The following CADPS variants were observed in gnomAD, a reference collection of about 807,000 sequenced individuals.
The protein encoded by CADPS is calcium-dependent secretion activator 1.
In CADPS, 57 loss-of-function variants were observed where a neutral mutation model predicts 167.3. That is an observed-to-expected ratio of 0.34 (90% confidence interval 0.28 to 0.42). The LOEUF is 0.42. Ranked by LOEUF, CADPS falls within the 20% of genes least tolerant of loss-of-function variation. The pLI is 1.00. For missense variants in CADPS, 1,414 were observed against 1,738.1 expected, an observed-to-expected ratio of 0.81 and a Z score of 3.32; for synonymous variants, 676 against 635.3, an observed-to-expected ratio of 1.06 and a Z score of -0.96.
At chr3:62,525,802 A>T (rs188412207) in intron 13 of CADPS, among the ~76,000 whole-genome samples, 2 of 152,228 alleles carry the variant, frequency 1.3e-5, no homozygotes, top group African/African-American at 2.4e-5. Context: ...ATTTACTACT[A>T]GGAAGGCATT....
At position 62,765,906 on chromosome 3, in the gene CADPS, C is replaced by A; in HGVS notation, c.520G>T (p.Glu174Ter). 1 of 1,612,926 alleles carries A rather than the reference C, an allele frequency of 6.2e-7. No homozygotes were observed. Among genetic ancestry groups the A allele is most frequent in the Non-Finnish European group, 8.5e-7 (1 of 1,179,068 alleles). The change falls in exon 2 of 30, where the codon GAA becomes TAA. Residue 174 changes from glutamate to a stop codon, truncating the protein, a stop_gained. Transcript: ENST00000383710. LOFTEE classifies it high-confidence loss of function. ...CTCTGCACAGCGTTCATGAAGGCTT[C>A]GTCAGCCATGATCTGGGTTTCCCCA... ...LNGETQIMAD[E>*]AFMNAVQSYY...
chr3:62,625,616 T>C (rs1019390446), intron 6 of CADPS: 2 of 150,812 alleles, frequency 1.3e-5, no homozygotes, highest in Admixed American at 1.3e-4. Context: ...TAGATTTCTT[T>C]CTTTTCTCTT....
intron 1 of CADPS, among the ~76,000 whole-genome samples, chr3:62,817,084 A>G (rs1447493414): frequency 6.6e-6 from 1 of 152,158 alleles, no homozygotes; most frequent in African/African-American, 2.4e-5. Context: ...TGGAGTCTCT[A>G]AGGATTTGAA....
At position 62,548,283 on chromosome 3, in the gene CADPS, T is replaced by A. The variant is rs573457363; in HGVS notation, c.1966+1620A>T. On this transcript the variant is annotated intron_variant, in intron 11 of 29. Coordinates refer to ENST00000383710, the MANE Select transcript of CADPS (RefSeq NM_003716.4). ...ATGATTTATCTTGACTAATAACTATTACTCTCTTTACTGCTCTCAAGTAAA... is the reference window on the plus strand; with the variant it reads ...ATGATTTATCTTGACTAATAACTATAACTCTCTTTACTGCTCTCAAGTAAA... 4.6e-5 allele frequency among the ~76,000 whole-genome samples: 7 copies of A among 152,334 alleles called. No homozygotes were observed. In the East Asian group the frequency reaches 1.3e-3, roughly 29 times the overall value.
intron 1 of CADPS, among the ~76,000 whole-genome samples, chr3:62,803,332 CT>C (rs57928697): frequency 0.058 from 8,108 of 139,566 alleles, 646 homozygotes; most frequent in African/African-American, 0.19. Flanking sequence ...GAGATGCTTC[CT>C]TTTTTTTTTT....
intron 26 of CADPS, among the ~76,000 whole-genome samples, chr3:62,463,977 G>A (rs2059664388): frequency 6.6e-6 from 1 of 152,176 alleles, no homozygotes; most frequent in South Asian, 2.1e-4. Context: ...TGTATGGGTT[G>A]GGGAAAGATC....
chr3:62,540,808 C>T (rs887948897), intron 11 of CADPS, among the ~76,000 whole-genome samples: 2 of 152,024 alleles, frequency 1.3e-5, no homozygotes, highest in African/African-American at 4.8e-5. Context: ...CAGTGTCAAA[C>T]ATAAAAAAAT....
At chr3:62,744,921 G>C (rs1248071176) in intron 3 of CADPS, among the ~76,000 whole-genome samples, 1 of 152,118 alleles carries the variant, frequency 6.6e-6, no homozygotes, top group African/African-American at 2.4e-5. Flanking sequence ...AGAAATATCT[G>C]GCCATGTGTT....
intron 11 of CADPS, among the ~76,000 whole-genome samples, chr3:62,538,358 T>C (rs2075114893): frequency 6.6e-6 from 1 of 152,070 alleles, no homozygotes; most frequent in South Asian, 2.1e-4. Context: ...CCAACTGTAG[T>C]CTCCCCTGGC....
At chr3:62,792,277 AACCTTG>A (rs1222283225) in intron 1 of CADPS, among the ~76,000 whole-genome samples, 1 of 151,480 alleles carries the variant, frequency 6.6e-6, no homozygotes, top group African/African-American at 2.4e-5. Context: ...AGCTCACTGC[AACCTTG>A]ACCTTGACCT....
At chr3:62,548,769 T>G (rs1339767200) in intron 11 of CADPS, among the ~76,000 whole-genome samples, 1 of 152,222 alleles carries the variant, frequency 6.6e-6, no homozygotes, top group Non-Finnish European at 1.5e-5. Context: ...TTCTCTTTCC[T>G]CAAATATCTG....
chr3:62,426,949 C>A (rs1449449670), intron 28 of CADPS, among the ~76,000 whole-genome samples: 1 of 151,730 alleles, frequency 6.6e-6, no homozygotes, highest in Admixed American at 6.6e-5. Context: ...GTGGCAGGCG[C>A]CTATAGTCCC....
intron 1 of CADPS, among the ~76,000 whole-genome samples, chr3:62,828,224 G>T (rs1009039001): frequency 6.6e-6 from 1 of 152,234 alleles, no homozygotes; most frequent in Middle Eastern, 3.4e-3. Flanking sequence ...CAGGTAAGAG[G>T]GTTTGGGTGT....
At chr3:62,718,935 T>C (rs375416696) in intron 3 of CADPS, among the ~76,000 whole-genome samples, 56 of 152,332 alleles carry the variant, frequency 3.7e-4, no homozygotes, top group African/African-American at 1.3e-3. Flanking sequence ...TGAAGATATT[T>C]GCTTTAAAAT....
intron 1 of CADPS, among the ~76,000 whole-genome samples, chr3:62,846,690 C>T (rs142189045): frequency 7.2e-5 from 11 of 152,038 alleles, no homozygotes; most frequent in East Asian, 5.8e-4. Flanking sequence ...TTTTTTGAGA[C>T]GGAGTCTTGC....
intron 10 of CADPS, among the ~76,000 whole-genome samples, chr3:62,553,736 T>C (rs1329743342): frequency 6.6e-6 from 1 of 152,008 alleles, no homozygotes; most frequent in East Asian, 1.9e-4. Flanking sequence ...AAGAAGGAGA[T>C]AGAAGAGCGA....
chr3:62,544,753 C>A lies in CADPS; in HGVS notation c.1966+5150G>T. 3.9e-6 allele frequency: 2 copies of A among 514,192 alleles called. No individual in the cohort carries two copies. The highest frequency in any genetic ancestry group is 5.3e-6 in the Non-Finnish European group (2 of 375,478). 31.9% of individuals were successfully genotyped at this position (514,192 alleles called of 1,614,324 possible). A position where few individuals can be genotyped will look rare whatever the true frequency, so the allele number is the denominator to read the frequency against. The stretch of plus-strand genomic sequence containing the variant: ...GAAAAGTTGTACTACAAATTCTAGA[C>A]ATGAGGAAGATTTAAGGGGGAGGGA... On this transcript the variant is annotated intron_variant, in intron 11 of 29. Coordinates refer to ENST00000383710, the MANE Select transcript of CADPS (RefSeq NM_003716.4). This position sits in a 1 kb window ranked among gnomAD's most constrained non-coding sequence, Gnocchi z 4.4.
intron 19 of CADPS, among the ~76,000 whole-genome samples, chr3:62,493,301 G>A (rs1175829649): frequency 2.0e-5 from 3 of 152,078 alleles, no homozygotes; most frequent in Admixed American, 6.6e-5. Context: ...TTCTGGCAGG[G>A]AGCATGCAGA....
rs2061603257 is a variant in CADPS at position 62,478,606 on chromosome 3, GCTTT to G, written c.3174-194_3174-191del. 6.6e-6 allele frequency among the ~76,000 whole-genome samples: 1 copy of G among 152,156 alleles called. No individual in the cohort carries two copies. The highest frequency in any genetic ancestry group is 6.5e-5 in the Admixed American group (1 of 15,272). ...AGTTTTACCATACATGACTTAGTGTGCTTTGCTCAGCCAATTACCCCAGACCAGT... is the reference window on the plus strand; with the variant it reads ...AGTTTTACCATACATGACTTAGTGTGGCTCAGCCAATTACCCCAGACCAGT... On this transcript the variant is annotated intron_variant, in intron 22 of 29. Transcript: ENST00000383710. The surrounding 1 kb of genome is among the most constrained non-coding windows in gnomAD (Gnocchi z 5.7).
Sources: allele counts gnomAD v4.1 joint callset (sites outside exome capture counted in the v4.1 genomes callset), GRCh38; gene constraint gnomAD v4.1.1; non-coding constraint Gnocchi (gnomAD v3.1); transcripts MANE v1.5; gene names NCBI Gene and HGNC (gene_info 2026-07-23, HGNC 2026-07-21).